ING5: variants seen among roughly 807,000 people sequenced by gnomAD.
ING5 encodes inhibitor of growth protein 5.
A neutral mutation model predicts 37.4 loss-of-function variants in ING5; 17 were observed. The ratio of observed to expected loss-of-function variants is 0.45; its 90% CI spans 0.31 to 0.68. The LOEUF (loss-of-function observed/expected upper bound fraction) is 0.68, where lower values mean the gene tolerates loss of function less well. Among genes scored for constraint, ING5 ranks in the 30% least tolerant of loss-of-function variants. ING5 has a pLI of 0.05. For missense variants in ING5, 233 were observed against 311.9 expected (o/e 0.75, Z 1.91); for synonymous variants, 123 against 116.6 (o/e 1.06, Z -0.36).
exon 2 of ING5, chr2:241,690,470 A>C (rs2069533471): frequency 2.5e-6 from 1 of 395,350 alleles, no homozygotes; most frequent in South Asian, 1.4e-4. Flanking sequence ...TGCGTGATCA[A>C]AGGATGACTG....
intron 5 of ING5, chr2:241,722,550 T>C: frequency 1.0e-6 from 1 of 985,444 alleles, no homozygotes; most frequent in Non-Finnish European, 1.2e-6. Flanking sequence ...GTAACTGTTC[T>C]TTCTAGCATC....
chr2:241,718,199 G>A (rs2070326275), intron 5 of ING5, among the ~76,000 whole-genome samples: 1 of 152,030 alleles, frequency 6.6e-6, no homozygotes, highest in Non-Finnish European at 1.5e-5. Context: ...TTTTAGTAGA[G>A]TCGGGGTTTC....
chr2:241,696,577 G>C (rs1047442313), intron 2 of ING5, among the ~76,000 whole-genome samples: 1 of 151,598 alleles, frequency 6.6e-6, no homozygotes, highest in Non-Finnish European at 1.5e-5. Context: ...CTTGAACCCA[G>C]GAGTTGGAGA....
At chr2:241,721,999 G>T (rs2070447509) in intron 5 of ING5, 1 of 985,298 alleles carries the variant, frequency 1.0e-6, no homozygotes, top group Non-Finnish European at 1.2e-6. Flanking sequence ...GTCGGAAGGG[G>T]CCCTGTGCCA....
chr2:241,702,035 G>T (rs1449447437), upstream of ING5: 1 of 1,360,558 alleles, frequency 7.3e-7, no homozygotes, highest in East Asian at 3.3e-5. Flanking sequence ...CCGCCCGCCC[G>T]CGCAGACCCC....
chr2:241,722,455 C>T (rs933623579), intron 5 of ING5: 12 of 985,268 alleles, frequency 1.2e-5, no homozygotes, highest in Non-Finnish European at 1.4e-5. Flanking sequence ...CCCTCTGTGC[C>T]CCCATGCCCC....
At chr2:241,716,400 C>T (rs1157030936) in intron 5 of ING5, among the ~76,000 whole-genome samples, 2 of 147,554 alleles carry the variant, frequency 1.4e-5, no homozygotes, top group African/African-American at 5.0e-5. Context: ...TCAAGCGATT[C>T]TCATGCCTCA....
At position 241,696,206 on chromosome 2, in the gene ING5, A is replaced by G. The variant is rs531612876; in HGVS notation, c.43+5553A>G. Among the ~76,000 whole-genome samples the G allele has an allele frequency of 9.9e-4, 150 of 152,108 alleles. 1 individual carries two copies. Among genetic ancestry groups the G allele is most frequent in the African/African-American group, 3.3e-3 (138 of 41,492 alleles). The stretch of plus-strand genomic sequence containing the variant: ...GGAGTTCGAGACCAGCCTGGCCAAC[A>G]TAGTGAAACCCCGTGTCTACTAAAA... On this transcript the variant is annotated intron_variant, in intron 2 of 7. Coordinates refer to the ING5 transcript ENST00000636051.
At chr2:241,719,120 C>T (rs2070358389) in intron 5 of ING5, among the ~76,000 whole-genome samples, 1 of 152,232 alleles carries the variant, frequency 6.6e-6, no homozygotes, top group Admixed American at 6.5e-5. Context: ...TCGCCTCCTG[C>T]CCCAGCGGCT....
At chr2:241,702,171 G>T in intron 1 of ING5, 69 bp downstream of exon 1, 1 of 978,046 alleles carries the variant, frequency 1.0e-6, no homozygotes, top group Non-Finnish European at 1.3e-6. Context: ...CCCCCCGCGC[G>T]CCGGGCACCG....
chr2:241,711,554 C>T, intron 4 of ING5, 66 bp downstream of exon 4: 1 of 1,129,128 alleles, frequency 8.9e-7, no homozygotes, highest in Non-Finnish European at 1.3e-6. Context: ...AGAGTTTTGT[C>T]ACGGTAAATC....
rs1031283833 is a variant in ING5 at position 241,723,703 on chromosome 2, G to T, written c.680+432G>T. 11 of 1,530,822 alleles carry T rather than the reference G, an allele frequency of 7.2e-6. No individual in the cohort carries two copies. In the Admixed American group the frequency reaches 1.0e-4, roughly 14 times the overall value. 94.8% of individuals were successfully genotyped at this position (1,530,822 alleles called of 1,614,324 possible). On this transcript the variant is annotated intron_variant, in intron 7 of 7. Coordinates refer to ENST00000313552, the MANE Select transcript of ING5 (RefSeq NM_032329.6). ...GCATGGATCTGGGGCTCTGCCCCTG[G>T]CTCTGTCTAGTGGAGAAGGGTGTGT...
intron 2 of ING5, among the ~76,000 whole-genome samples, chr2:241,692,769 G>C (rs140806137): frequency 5.9e-5 from 9 of 152,066 alleles, no homozygotes; most frequent in Middle Eastern, 6.8e-3. Context: ...CACCTTCCAT[G>C]ATCCCCTTAA....
At position 241,721,704 on chromosome 2, in the gene ING5, T is replaced by C. The variant is rs552621266; in HGVS notation, c.483-1235T>C. Reference sequence around the variant, plus strand: ...GGGTTGGAGGGTGGGATAGGGAAGATACTTTTTCTTTCTGTACTAATGGGA... The same window carrying C: ...GGGTTGGAGGGTGGGATAGGGAAGACACTTTTTCTTTCTGTACTAATGGGA... On this transcript the variant is annotated intron_variant, in intron 5 of 7. Transcript: ENST00000313552. 4.1e-4 allele frequency: 408 copies of C among 985,452 alleles called. 3 individuals are homozygous for C. The African/African-American group carries it at 6.5e-3, about 16-fold the overall frequency. 61.0% of individuals were successfully genotyped at this position (985,452 alleles called of 1,614,324 possible).
At chr2:241,719,804 G>A (rs970633194) in intron 5 of ING5, 15 of 1,438,278 alleles carry the variant, frequency 1.0e-5, no homozygotes, top group Admixed American at 5.7e-5. Flanking sequence ...CTGACAGTGC[G>A]CTGACCAGCA....
At chr2:241,716,310 G>C (rs1242242179) in intron 5 of ING5, among the ~76,000 whole-genome samples, 1 of 134,706 alleles carries the variant, frequency 7.4e-6, no homozygotes, top group Non-Finnish European at 1.5e-5. Flanking sequence ...TTTTGAGACG[G>C]AGTCTTGCAC....
intron 5 of ING5, among the ~76,000 whole-genome samples, chr2:241,717,466 C>A (rs562201760): frequency 1.3e-5 from 2 of 152,264 alleles, no homozygotes; most frequent in East Asian, 3.9e-4. Flanking sequence ...ATGCAAATTT[C>A]TGTCTTGTCA....
rs369056232 is a variant in ING5 at position 241,722,349 on chromosome 2, G to C, written c.483-590G>C. ...AGAGGTCCCCGGGGGAGTCCTGTCTGGGAGGAGGGACCGAGATGAGAGTGG... is the reference window on the plus strand; with the variant it reads ...AGAGGTCCCCGGGGGAGTCCTGTCTCGGAGGAGGGACCGAGATGAGAGTGG... On this transcript the variant is annotated intron_variant, in intron 5 of 7. Coordinates refer to ENST00000313552, the MANE Select transcript of ING5 (RefSeq NM_032329.6). The C allele has an allele frequency of 1.2e-4, 114 of 985,388 alleles. No individual in the cohort carries two copies. In the African/African-American group the frequency reaches 1.9e-3, roughly 16 times the overall value. The allele number at this position is 985,388 out of a possible 1,614,324, so 61.0% of individuals were successfully genotyped here.
intron 2 of ING5, among the ~76,000 whole-genome samples, chr2:241,705,936 A>G (rs1575124037): frequency 6.6e-6 from 1 of 151,748 alleles, no homozygotes; most frequent in East Asian, 1.9e-4. Flanking sequence ...TAGGTACTTT[A>G]ACACTGAGCC....
Sources: allele counts gnomAD v4.1 joint callset (sites outside exome capture counted in the v4.1 genomes callset), GRCh38; gene constraint gnomAD v4.1.1; transcripts MANE v1.5; gene names NCBI Gene and HGNC (gene_info 2026-07-23, HGNC 2026-07-21).